Variants in ABCB1 observed in about 807,000 individuals in gnomAD.
ABCB1 encodes the protein ATP binding cassette subfamily B member 1, also known as ATP-dependent translocase ABCB1.
A neutral mutation model predicts 142.0 loss-of-function variants in ABCB1; 69 were observed. That is an observed-to-expected ratio of 0.49 (90% CI 0.40 to 0.59). The LOEUF (loss-of-function observed/expected upper bound fraction) is 0.59, where lower values mean the gene tolerates loss of function less well. Among genes scored for constraint, ABCB1 ranks in the 20% least tolerant of loss-of-function variants. The pLI is 0.00. For missense variants in ABCB1, 1,326 were observed against 1,554.7 expected (o/e 0.85, Z 2.47); for synonymous variants, 532 against 539.2 (o/e 0.99, Z 0.18).
chr7:87,540,306 A>G (rs779707038), intron 18 of ABCB1, among the ~76,000 whole-genome samples: 2 of 152,242 alleles, frequency 1.3e-5, no homozygotes, highest in African/African-American at 2.4e-5. Flanking sequence ...AGGTACCTGC[A>G]TCCCTAGTTT....
At chr7:87,555,451 G>C (rs1817264888) in intron 8 of ABCB1, among the ~76,000 whole-genome samples, 1 of 152,126 alleles carries the variant, frequency 6.6e-6, no homozygotes, top group South Asian at 2.1e-4. Flanking sequence ...AGCATGTACA[G>C]CAGAGCTCAA....
intron 21 of ABCB1, chr7:87,522,457 G>T: frequency 1.7e-6 from 1 of 572,022 alleles, no homozygotes; most frequent in African/African-American, 1.8e-5. Flanking sequence ...ATAAGAGCCA[G>T]AGAAGTGACA....
rs539396753 is a variant in ABCB1 at position 87,575,312 on chromosome 7, A to G, written c.287-5089T>C. Among the ~76,000 whole-genome samples the G allele has an allele frequency of 3.9e-5, 6 of 152,336 alleles. No homozygotes were observed. The South Asian group carries it at 1.0e-3, about 26-fold the overall frequency. On this transcript the variant is annotated intron_variant, in intron 4 of 27. Coordinates refer to ENST00000622132, the MANE Select transcript of ABCB1 (RefSeq NM_001348946.2). ...ATAATTCCCTAATTGGTAAACTGAA[A>G]TTATATTGAAAAGGTGGTTTTCAAA...
chr7:87,549,603 G>A, intron 13 of ABCB1, 85 bp from the exon 14 acceptor site: 2 of 1,588,918 alleles, frequency 1.3e-6, no homozygotes, highest in South Asian at 1.1e-5. Context: ...CCTATACACA[G>A]CCCAAGTCTC....
intron 21 of ABCB1, among the ~76,000 whole-genome samples, chr7:87,530,555 G>A (rs1034996262): frequency 6.7e-6 from 1 of 150,068 alleles, no homozygotes; most frequent in Admixed American, 6.6e-5. Flanking sequence ...TTAAATAATG[G>A]GAAAAAAAAG....
chr7:87,533,335 A>G (rs1187138906), intron 20 of ABCB1, among the ~76,000 whole-genome samples: 1 of 152,118 alleles, frequency 6.6e-6, no homozygotes, highest in Non-Finnish European at 1.5e-5. Context: ...ATCACCTAGA[A>G]TCACTTCTAG....
At chr7:87,588,022 C>T (rs183949209) in intron 3 of ABCB1, among the ~76,000 whole-genome samples, 8 of 152,112 alleles carry the variant, frequency 5.3e-5, no homozygotes, top group Admixed American at 2.0e-4. Context: ...TCAAAAGACA[C>T]CCCTCACTGA....
intron 1 of ABCB1, among the ~76,000 whole-genome samples, chr7:87,656,589 A>G (rs1211312457): frequency 6.6e-6 from 1 of 152,162 alleles, no homozygotes; most frequent in Non-Finnish European, 1.5e-5. Context: ...GGGGAGGAGG[A>G]AAATAGAATA....
Position 87,549,999 on chromosome 7 carries a change from A to G in ABCB1, c.1406T>C (p.Ile469Thr), listed in dbSNP as rs1816977747. 6.2e-7 allele frequency: 1 copy of G among 1,614,090 alleles called. No individual in the cohort carries two copies. Among genetic ancestry groups the G allele is most frequent in the Admixed American group, 1.7e-5 (1 of 60,002 alleles). ...RTINVRFLRE[I>T]IGVVSQEPVL... Reference sequence around the variant, plus strand: ...AGGTTCCTGACTCACCACACCAATGATTTCCCGTAGAAACCTTACATTTAT... The same window carrying G: ...AGGTTCCTGACTCACCACACCAATGGTTTCCCGTAGAAACCTTACATTTAT... The change falls in exon 13 of 28, where the codon ATC (isoleucine) becomes ACC (threonine). Residue 469 changes from isoleucine to threonine, a missense_variant. Transcript: ENST00000622132.
chr7:87,506,592 C>A (rs2117060422), intron 26 of ABCB1, among the ~76,000 whole-genome samples: 1 of 152,198 alleles, frequency 6.6e-6, no homozygotes, highest in Non-Finnish European at 1.5e-5. Flanking sequence ...TGAAAATGAA[C>A]ATCTCCTTTT....
At chr7:87,558,552 A>G (rs1817411056) in intron 8 of ABCB1, among the ~76,000 whole-genome samples, 1 of 151,032 alleles carries the variant, frequency 6.6e-6, no homozygotes, top group African/African-American at 2.4e-5. Flanking sequence ...TATTTGTTTT[A>G]TTGGTCTTAT....
chr7:87,530,530 C>T (rs970409303), intron 21 of ABCB1, among the ~76,000 whole-genome samples: 1 of 151,010 alleles, frequency 6.6e-6, no homozygotes, highest in African/African-American at 2.4e-5. Context: ...ACAGTAAATG[C>T]CACATAAGCA....
chr7:87,677,335 TA>T (rs57714170), intron 1 of ABCB1, among the ~76,000 whole-genome samples: 5,293 of 125,100 alleles, frequency 0.042, 247 homozygotes, highest in African/African-American at 0.13. Context: ...ATTTCAGATT[TA>T]AAAAAAAAAA....
Position 87,541,478 on chromosome 7 carries a change from T to C in ABCB1, c.2212-14A>G. On this transcript the variant is annotated splice_polypyrimidine_tract_variant and intron_variant, in intron 17 of 27. Coordinates refer to ENST00000622132, the MANE Select transcript of ABCB1 (RefSeq NM_001348946.2). ...TCTTGTAAAAACCTGTGAGAAAACA[T>C]TTAAAGGATTTTTAGTTCAATCAGT... The C allele has an allele frequency of 6.5e-7, 1 of 1,544,316 alleles. No individual in the cohort carries two copies. Among genetic ancestry groups the C allele is most frequent in the Non-Finnish European group, 9.0e-7 (1 of 1,116,654 alleles).
chr7:87,589,805 G>GAGA, intron 3 of ABCB1, among the ~76,000 whole-genome samples: 1 of 105,390 alleles, frequency 9.5e-6, no homozygotes, highest in East Asian at 2.6e-4. Flanking sequence ...GAGAGAGAGA[G>GAGA]GAGAGAGAGA....
At chr7:87,550,341 A>T (rs200936124) in intron 11 of ABCB1, 45 bp from the exon 12 acceptor site, 227 of 1,613,642 alleles carry the variant, frequency 1.4e-4, no homozygotes, top group Non-Finnish European at 1.9e-4. Context: ...ATTCACAGAC[A>T]CAGGATATAG....
chr7:87,564,573 G>T (rs1413129748), intron 7 of ABCB1, among the ~76,000 whole-genome samples: 1 of 152,148 alleles, frequency 6.6e-6, no homozygotes, highest in African/African-American at 2.4e-5. Context: ...TTGCTTCTGT[G>T]TCTCTAGGTT....
intron 3 of ABCB1, among the ~76,000 whole-genome samples, chr7:87,592,475 T>C (rs756802624): frequency 6.6e-6 from 1 of 152,190 alleles, no homozygotes; most frequent in Non-Finnish European, 1.5e-5. Context: ...AAAGGGAGGA[T>C]ACTGAGCCAG....
At chr7:87,533,341 T>C (rs1211494897) in intron 20 of ABCB1, among the ~76,000 whole-genome samples, 2 of 152,092 alleles carry the variant, frequency 1.3e-5, no homozygotes, top group Non-Finnish European at 1.5e-5. Flanking sequence ...TAGAATCACT[T>C]CTAGGTGTGA....
Sources: gnomAD v4.1 joint callset for allele counts (sites outside exome capture counted in the v4.1 genomes callset) on GRCh38, gnomAD v4.1.1 for gene constraint, MANE v1.5 for transcripts, NCBI Gene and HGNC (gene_info 2026-07-23, HGNC 2026-07-21) for gene names.